Variants in MUC4 observed in about 807,000 individuals in gnomAD.
MUC4 encodes mucin 4, cell surface associated.
MUC4 carries 202 observed loss-of-function variants against 257.9 expected under a neutral mutation model. The observed-to-expected ratio is 0.78, with a 90% CI of 0.70 to 0.88. The LOEUF (loss-of-function observed/expected upper bound fraction) is 0.88. MUC4 is among the 40% of genes least tolerant of loss of function. The pLI, the probability that MUC4 is intolerant of heterozygous loss-of-function variation, is 0.00. For missense variants in MUC4, 5,976 were observed against 6,513.7 expected, an observed-to-expected ratio of 0.92 and a Z score of 2.84; for synonymous variants, 2,351 against 2,757.1, an observed-to-expected ratio of 0.85 and a Z score of 4.62.
At chr3:195,770,780 C>T (rs1405029091) in intron 5 of MUC4, 1 of 447,100 alleles carries the variant, frequency 2.2e-6, no homozygotes, top group Non-Finnish European at 4.5e-6. Flanking sequence ...TCCACACTTC[C>T]TGCAGTAGCT....
chr3:195,765,537 A>C, intron 8 of MUC4, 88 bp from the exon 9 acceptor site: 1 of 1,298,596 alleles, frequency 7.7e-7, no homozygotes, highest in Non-Finnish European at 1.1e-6. Context: ...AAACTCACAA[A>C]TGCACCCCCT....
rs756898329 is a variant in MUC4 at position 195,762,861 on chromosome 3, C to G, written c.14338G>C (p.Gly4780Arg). 6 of 1,561,448 alleles carry G rather than the reference C, an allele frequency of 3.8e-6. No individual in the cohort carries two copies. In the East Asian group the frequency reaches 1.2e-4, roughly 31 times the overall value. Reference sequence around the variant, plus strand: ...CCGGCGCTCCCCAACCTACCTCCGCCGTCTTCATGGTCAGGCTGAAATGTC... The same window carrying G: ...CCGGCGCTCCCCAACCTACCTCCGCGGTCTTCATGGTCAGGCTGAAATGTC... Reference protein sequence around the residue: ...TVTFQPDHEDGGGQETFNATG... With the variant: ...TVTFQPDHEDRGGQETFNATG... The change falls in exon 13 of 25, where the codon GGC (glycine) becomes CGC (arginine). Residue 4780 changes from glycine to arginine, a missense_variant. Gly to Arg is a moderately radical substitution (Grantham distance 125). Coordinates refer to ENST00000463781, the MANE Select transcript of MUC4 (RefSeq NM_018406.7).
rs189845628 is a variant in MUC4 at position 195,758,374 on chromosome 3, G to T, written c.14986+750C>A. ...TAAACATGGTTGCCAGACAAAAAGA[G>T]CAAGAAAGGTACCAAACGAAAGTAT... On this transcript the variant is annotated intron_variant, in intron 17 of 24. Coordinates refer to ENST00000463781, the MANE Select transcript of MUC4 (RefSeq NM_018406.7). Among the ~76,000 whole-genome samples the T allele has an allele frequency of 3.3e-5, 5 of 152,212 alleles. No homozygotes were observed. The East Asian group carries it at 9.7e-4, about 29-fold the overall frequency.
intron 1 of MUC4, among the ~76,000 whole-genome samples, chr3:195,795,838 A>AG (rs1734502067): frequency 3.3e-5 from 1 of 30,262 alleles, no homozygotes; most frequent in African/African-American, 2.6e-4. Context: ...AGAGAAAGAA[A>AG]GTGGGGGAGG....
intron 7 of MUC4, among the ~76,000 whole-genome samples, chr3:195,767,823 C>CCACCACCAT (rs1193465793): frequency 3.0e-5 from 3 of 98,558 alleles, no homozygotes; most frequent in Non-Finnish European, 6.3e-5. Flanking sequence ...ATCACCACCA[C>CCACCACCAT]CACCACCATC....
chr3:195,786,942 G>T lies in MUC4; in HGVS notation c.4638C>A (p.Ser1546=). ...PLPVTSPSSA[S]TGDTTPLPVT... ...CAGGAAGAGGGGTGGTGTCACCTGT[G>T]GATGCTGAGGAAGGGCTAGTGACAG... Residue 1546 remains serine, a synonymous_variant, in exon 2 of 25, where the codon TCC becomes TCA. Coordinates refer to ENST00000463781, the MANE Select transcript of MUC4 (RefSeq NM_018406.7). The T allele has an allele frequency of 7.7e-6, 7 of 912,348 alleles. No homozygotes were observed. In the Admixed American group the frequency reaches 9.8e-5, roughly 13 times the overall value. 56.5% of individuals were successfully genotyped at this position (912,348 alleles called of 1,614,324 possible).
At position 195,747,010 on chromosome 3, in the gene MUC4, A is replaced by G. The variant is rs1409724701; in HGVS notation, c.*166T>C. ...GGCCTCCCCCTGTGCACCTGCGCCTATGGATAAGGTATAGTCTTGTCTTGA... is the reference window on the plus strand; with the variant it reads ...GGCCTCCCCCTGTGCACCTGCGCCTGTGGATAAGGTATAGTCTTGTCTTGA... On this transcript the variant is annotated 3_prime_UTR_variant, in exon 25 of 25. Transcript: ENST00000463781. 5 of 1,005,474 alleles carry G rather than the reference A, an allele frequency of 5.0e-6. No individual in the cohort carries two copies. The highest frequency in any genetic ancestry group is 7.3e-6 in the Non-Finnish European group (5 of 685,848). 62.3% of individuals were successfully genotyped at this position (1,005,474 alleles called of 1,614,324 possible). A position where few individuals can be genotyped will look rare whatever the true frequency, so the allele number is the denominator to read the frequency against.
At position 195,760,905 on chromosome 3, in the gene MUC4, C is replaced by T. The variant is rs745460583; in HGVS notation, c.14827G>A (p.Glu4943Lys). 1.5e-5 allele frequency: 24 copies of T among 1,614,042 alleles called. No individual in the cohort carries two copies. The highest frequency in any genetic ancestry group is 2.2e-5 in the East Asian group (1 of 44,902). Residue 4943 changes from glutamate to lysine, a missense_variant, in exon 16 of 25, where the codon GAG becomes AAG. By Grantham distance (56) the Glu-to-Lys change is moderately conservative. Transcript: ENST00000463781. Reference sequence around the variant, plus strand: ...TTACTGAGGGTGGCGTTCGCCTGCTCGTAGTTTTTACTGACTTCCCTCGTG... The same window carrying T: ...TTACTGAGGGTGGCGTTCGCCTGCTTGTAGTTTTTACTGACTTCCCTCGTG... ...LHTREVSKNYEQANATLNQYP... is the reference protein window; with the variant it reads ...LHTREVSKNYKQANATLNQYP...
Position 195,762,204 on chromosome 3 carries a change from C to G in MUC4, c.14395G>C (p.Glu4799Gln). The G allele has an allele frequency of 1.3e-6, 2 of 1,599,076 alleles. No homozygotes were observed. Among genetic ancestry groups the G allele is most frequent in the Non-Finnish European group, 1.7e-6 (2 of 1,173,080 alleles). ...CAGCCGTCGAAGCTGGCCGAGACCT[C>G]AGAGCCGTTGCGGCTCAGGAGGACT... ...TGVLLSRNGS[E>Q]VSASFDGWAT... The change falls in exon 14 of 25, where the codon GAG (glutamate) becomes CAG (glutamine). Residue 4799 changes from glutamate to glutamine, a missense_variant. Glu to Gln is a conservative substitution (Grantham distance 29, BLOSUM62 2). Transcript: ENST00000463781.
chr3:195,789,936 G>T lies in MUC4; in HGVS notation c.1644C>A (p.Tyr548Ter). 1 of 1,614,002 alleles carries T rather than the reference G, an allele frequency of 6.2e-7. No homozygotes were observed. Among genetic ancestry groups the T allele is most frequent in the Non-Finnish European group, 8.5e-7 (1 of 1,179,876 alleles). The change falls in exon 2 of 25, where the codon TAC becomes TAA. Residue 548 changes from tyrosine to a stop codon, truncating the protein, a stop_gained. Coordinates refer to ENST00000463781, the MANE Select transcript of MUC4 (RefSeq NM_018406.7). LOFTEE classifies it high-confidence loss of function. ...AIGEPGEPTT[Y>*]SSHSTTLPKT... ...TTGGGAGAGTTGTGCTGTGGGAGGA[G>T]TATGTGGTGGGCTCTCCTGGTTCCC...
At chr3:195,793,177 CTG>C (rs1294547479) in intron 1 of MUC4, among the ~76,000 whole-genome samples, 1 of 151,948 alleles carries the variant, frequency 6.6e-6, no homozygotes, top group African/African-American at 2.4e-5. Context: ...TATATCACAA[CTG>C]TACATATTTG....
chr3:195,796,431 G>A lies in MUC4; in HGVS notation c.83-4934C>T, dbSNP rs183245793. ...TCAGCAGTTTAAAAAATATAATCTA[G>A]GCCGGGTGCGGTGGCTCACGCCTGT... On this transcript the variant is annotated intron_variant, in intron 1 of 24. Coordinates refer to ENST00000463781, the MANE Select transcript of MUC4 (RefSeq NM_018406.7). Among the ~76,000 whole-genome samples the A allele has an allele frequency of 2.2e-3, 329 of 152,300 alleles. 7 individuals are homozygous for A. Among genetic ancestry groups the A allele is most frequent in the African/African-American group, 7.7e-3 (319 of 41,566 alleles).
intron 14 of MUC4, 32 bp downstream of exon 14, chr3:195,762,055 G>A (rs1247375883): frequency 1.3e-6 from 2 of 1,560,188 alleles, no homozygotes; most frequent in Non-Finnish European, 1.7e-6. Context: ...TGGCTCCGCG[G>A]AGCCTCAGAG....
chr3:195,754,743 GATGTATGTATCCATGT>G (rs1184162179), intron 18 of MUC4, among the ~76,000 whole-genome samples: 2 of 151,078 alleles, frequency 1.3e-5, no homozygotes, highest in African/African-American at 2.4e-5. Context: ...TCCATGTATA[GATGTATGTATCCATGT>G]ATGTATGTAT....
chr3:195,798,136 A>C (rs1454596181), intron 1 of MUC4, among the ~76,000 whole-genome samples: 1 of 152,146 alleles, frequency 6.6e-6, no homozygotes, highest in Non-Finnish European at 1.5e-5. Context: ...ATTTAAAAAC[A>C]AAATAAAACT....
chr3:195,754,316 C>T lies in MUC4; in HGVS notation c.15225G>A (p.Glu5075=). ...GTFGRYCEGS[E]DACEEPCFPS... ...GGAAGCACGGCTCCTCACAGGCATC[C>T]TCGGAGCCCTCGCAGTAGCGGCCGA... The change falls in exon 19 of 25, where the codon GAG becomes GAA. Residue 5075 remains glutamate, a synonymous_variant. Coordinates refer to ENST00000463781, the MANE Select transcript of MUC4 (RefSeq NM_018406.7). 1 of 1,613,132 alleles carries T rather than the reference C, an allele frequency of 6.2e-7. No individual in the cohort carries two copies. Among genetic ancestry groups the T allele is most frequent in the South Asian group, 1.1e-5 (1 of 90,980 alleles).
rs76385098 is a variant in MUC4, at chr3:195,773,465, G to A, written c.13077+707C>T. On this transcript the variant is annotated intron_variant, in intron 4 of 24. Coordinates refer to ENST00000463781, the MANE Select transcript of MUC4 (RefSeq NM_018406.7). Reference sequence around the variant, plus strand: ...CAGGTGTGGACACCCTCTCTCCATCGCTCAGCAGGTGTGGACACCCTCTCT... The same window carrying A: ...CAGGTGTGGACACCCTCTCTCCATCACTCAGCAGGTGTGGACACCCTCTCT... 6.3e-4 allele frequency among the ~76,000 whole-genome samples: 93 copies of A among 147,804 alleles called. 1 individual carries two copies. Among genetic ancestry groups the A allele is most frequent in the Non-Finnish European group, 6.7e-4 (45 of 67,342 alleles).
intron 2 of MUC4, 115 bp downstream of exon 2, chr3:195,778,675 C>T (rs1343667561): frequency 3.7e-6 from 5 of 1,340,016 alleles, no homozygotes; most frequent in East Asian, 2.5e-5. Flanking sequence ...CCCTGTGGGA[C>T]CTGACACGGC....
At chr3:195,800,020 G>C (rs1735094274) in intron 1 of MUC4, among the ~76,000 whole-genome samples, 1 of 152,148 alleles carries the variant, frequency 6.6e-6, no homozygotes, top group Admixed American at 6.6e-5. Context: ...CCTCACACCT[G>C]TAATCCCAGC....
Sources: gnomAD v4.1 joint callset for allele counts (sites outside exome capture counted in the v4.1 genomes callset) on GRCh38, gnomAD v4.1.1 for gene constraint, MANE v1.5 for transcripts, NCBI Gene and HGNC (gene_info 2026-07-23, HGNC 2026-07-21) for gene names.